SDHA: variants seen among roughly 807,000 people sequenced by gnomAD.
The protein encoded by SDHA is succinate dehydrogenase [ubiquinone] flavoprotein subunit, mitochondrial.
In SDHA, 48 loss-of-function variants were observed where a neutral mutation model predicts 78.4. The ratio of observed to expected loss-of-function variants is 0.61; its 90% CI spans 0.49 to 0.78. SDHA has a LOEUF of 0.78. Ranked by LOEUF, SDHA falls within the 30% of genes least tolerant of loss-of-function variation. SDHA has a pLI of 0.00. For missense variants in SDHA, 680 were observed against 892.7 expected (o/e 0.76, Z 3.04); for synonymous variants, 326 against 353.9 (o/e 0.92, Z 0.88).
chr5:221,976 C>T (rs889650858), intron 1 of SDHA, among the ~76,000 whole-genome samples: 29 of 152,122 alleles, frequency 1.9e-4, no homozygotes, highest in African/African-American at 6.8e-4. Flanking sequence ...CTCACTGTTT[C>T]TACTTACATT....
Position 230,942 on chromosome 5 carries a change from G to C in SDHA, c.837G>C (p.Met279Ile). 6.2e-7 allele frequency: 1 copy of C among 1,614,038 alleles called. No homozygotes were observed. Among genetic ancestry groups the C allele is most frequent in the Non-Finnish European group, 8.5e-7 (1 of 1,179,900 alleles). The stretch of plus-strand genomic sequence containing the variant: ...CCAGCACTGGCGACGGCACGGCCAT[G>C]ATCACCAGGGCAGGCCTTCCTTGCC... ...AHTSTGDGTAMITRAGLPCQD... is the reference protein window; with the variant it reads ...AHTSTGDGTAIITRAGLPCQD... Residue 279 changes from methionine to isoleucine, a missense_variant, in exon 7 of 15, where the codon ATG becomes ATC. Transcript: ENST00000264932.
chr5:238,026 A>G (rs1270333462), intron 10 of SDHA, among the ~76,000 whole-genome samples: 1 of 138,016 alleles, frequency 7.2e-6, no homozygotes, highest in Non-Finnish European at 1.5e-5. Flanking sequence ...CAATGTAGAA[A>G]TTTTGAGCTG....
chr5:226,022 C>G lies in SDHA; in HGVS notation c.596C>G (p.Ser199Trp), dbSNP rs878854633. The change falls in exon 5 of 15, where the codon TCG becomes TGG. Residue 199 changes from serine (S) to tryptophan (W), a missense_variant. Ser to Trp is a radical substitution (Grantham distance 177). Transcript: ENST00000264932. Reference sequence around the variant, plus strand: ...TGTGTGGCTGATCGGACTGGCCACTCGCTATTGCACACCTTATATGGAAGG... The same window carrying G: ...TGTGTGGCTGATCGGACTGGCCACTGGCTATTGCACACCTTATATGGAAGG... ...CCCVADRTGH[S>W]LLHTLYGRSL... 1 of 1,614,162 alleles carries G rather than the reference C, an allele frequency of 6.2e-7. No homozygotes were observed. Among genetic ancestry groups the G allele is most frequent in the Non-Finnish European group, 8.5e-7 (1 of 1,180,042 alleles).
intron 11 of SDHA, among the ~76,000 whole-genome samples, chr5:241,309 G>A (rs1736125955): frequency 6.6e-6 from 1 of 152,132 alleles, no homozygotes; most frequent in East Asian, 1.9e-4. Context: ...AGGTTTCCTG[G>A]AGTTCAACAC....
chr5:226,098 T>C (rs1361019810), intron 5 of SDHA, 51 bp downstream of exon 5: 1 of 1,600,304 alleles, frequency 6.2e-7, no homozygotes, highest in African/African-American at 1.3e-5. Flanking sequence ...CTGGGGCTTA[T>C]GGTGACAGTG....
chr5:234,737 A>G, intron 8 of SDHA: 1 of 303,740 alleles, frequency 3.3e-6, no homozygotes, highest in South Asian at 3.2e-5. Flanking sequence ...ATATGCAAAT[A>G]CTCTCCCATT....
chr5:223,952 G>A (rs1425945769), intron 2 of SDHA, among the ~76,000 whole-genome samples: 1 of 151,772 alleles, frequency 6.6e-6, no homozygotes, highest in African/African-American at 2.4e-5. Context: ...GGATGGTGGG[G>A]CCCCTCGGGT....
downstream of SDHA, among the ~76,000 whole-genome samples, chr5:258,444 T>G (rs1263271872): frequency 8.7e-5 from 9 of 103,720 alleles, no homozygotes; most frequent in Non-Finnish European, 1.4e-4. Context: ...TACTGTGAGC[T>G]CCATCTCTTG....
In SDHA at chr5:235,219, G is replaced by C. The variant is rs146348714; in HGVS notation, c.1140G>C (p.Leu380=). The change falls in exon 9 of 15, where the codon CTG becomes CTC. Residue 380 remains leucine, a synonymous_variant. Transcript: ENST00000264932. ...CTCCAGAGCAGCTGGCCACGCGCCT[G>C]CCTGGCATTTCAGAGACAGCCATGA... The part of the protein sequence containing the change: ...HLPPEQLATR[L]PGISETAMIF... 15 of 1,613,848 alleles carry C rather than the reference G, an allele frequency of 9.3e-6. No individual in the cohort carries two copies. The highest frequency in any genetic ancestry group is 1.3e-5 in the Non-Finnish European group (15 of 1,179,882).
At chr5:223,777 T>C (rs1734847068) in intron 2 of SDHA, among the ~76,000 whole-genome samples, 1 of 144,662 alleles carries the variant, frequency 6.9e-6, no homozygotes, top group Non-Finnish European at 1.5e-5. Flanking sequence ...TTGTATCTGT[T>C]ATGTATCTAT....
chr5:236,316 G>A lies in SDHA; in HGVS notation c.1261-112G>A, dbSNP rs1339602945. On this transcript the variant is annotated intron_variant, in intron 9 of 14. Transcript: ENST00000264932. ...TGAGATTACAGGCGTGAGCCACCAC[G>A]CCTGGCCTACTTCCCTCTCTCTGAC... is the stretch of plus-strand genomic sequence containing the variant. 8.0e-5 allele frequency: 89 copies of A among 1,109,566 alleles called. No individual in the cohort carries two copies. The South Asian group carries it at 1.0e-3, about 13-fold the overall frequency. The allele number at this position is 1,109,566 out of a possible 1,614,324, so 68.7% of individuals were successfully genotyped here.
intron 11 of SDHA, among the ~76,000 whole-genome samples, chr5:241,377 C>T (rs1338483888): frequency 1.3e-5 from 2 of 152,220 alleles, no homozygotes; most frequent in African/African-American, 4.8e-5. Flanking sequence ...GCCTGGCTTC[C>T]AGCAGCTCGG....
chr5:233,991 G>A, intron 8 of SDHA: 1 of 339,662 alleles, frequency 2.9e-6, no homozygotes, highest in Non-Finnish European at 5.7e-6. Context: ...AGCTTTCAAA[G>A]TGTGTGGGTT....
chr5:257,461 A>G (rs1283464599), downstream of SDHA, among the ~76,000 whole-genome samples: 1 of 147,816 alleles, frequency 6.8e-6, no homozygotes, highest in Non-Finnish European at 1.5e-5. Context: ...GCCTGCTGCC[A>G]GAGCATTACT....
intron 11 of SDHA, among the ~76,000 whole-genome samples, chr5:246,952 G>A (rs911545916): frequency 6.9e-6 from 1 of 145,784 alleles, no homozygotes; most frequent in Non-Finnish European, 1.5e-5. Flanking sequence ...CCATTTAGCT[G>A]ACTTTGTGGG....
rs773168516 is a variant in SDHA, at chr5:233,655, A to G, written c.1064+10A>G. On this transcript the variant is annotated intron_variant, in intron 8 of 14. Transcript: ENST00000264932. The stretch of plus-strand genomic sequence containing the variant: ...AGATCCGAGAAGGAAGGTGCGTGTG[A>G]TTTACCACCAGCACTGTCTGAGCGG... 2.5e-5 allele frequency: 41 copies of G among 1,613,540 alleles called. No homozygotes were observed. The African/African-American group carries it at 4.9e-4, about 19-fold the overall frequency.
chr5:236,330 CCT>C (rs776357098), intron 9 of SDHA, 96 bp from the exon 10 acceptor site: 4 of 1,293,866 alleles, frequency 3.1e-6, no homozygotes, highest in African/African-American at 1.5e-5. Context: ...GGCCTACTTC[CCT>C]CTCTCTGACC....
At chr5:222,496 C>T (rs149153393) in intron 1 of SDHA, among the ~76,000 whole-genome samples, 6,328 of 151,876 alleles carry the variant, frequency 0.042, 187 homozygotes, top group Middle Eastern at 0.1. Context: ...TACAGGTGCC[C>T]GCCACGACGC....
the SDHA span, among the ~76,000 whole-genome samples, chr5:265,901 C>T: frequency 6.6e-6 from 1 of 152,014 alleles, no homozygotes; most frequent in Non-Finnish European, 1.5e-5. Flanking sequence ...CTGGAGGGAC[C>T]CTACCCGAGA....
Sources: gnomAD v4.1 joint callset for allele counts (sites outside exome capture counted in the v4.1 genomes callset) on GRCh38, gnomAD v4.1.1 for gene constraint, MANE v1.5 for transcripts, NCBI Gene and HGNC (gene_info 2026-07-23, HGNC 2026-07-21) for gene names.